Variants in PLEKHB2 observed in about 807,000 individuals in gnomAD.
PLEKHB2 encodes pleckstrin homology domain-containing family B member 2.
PLEKHB2 carries 31 observed loss-of-function variants against 36.5 expected under a neutral mutation model. The ratio of observed to expected loss-of-function variants is 0.85; its 90% CI spans 0.64 to 1.15. PLEKHB2 has a LOEUF of 1.15. Among genes scored for constraint, PLEKHB2 ranks in the 50% most tolerant of loss-of-function variants. PLEKHB2 has a pLI of 0.00. For missense variants in PLEKHB2, 262 were observed against 295.3 expected, an observed-to-expected ratio of 0.89 and a Z score of 0.83; for synonymous variants, 119 against 112.0, an observed-to-expected ratio of 1.06 and a Z score of -0.39.
chr2:131,144,586 C>A, intron 7 of PLEKHB2: 1 of 379,580 alleles, frequency 2.6e-6, no homozygotes, highest in East Asian at 3.8e-5. Flanking sequence ...CCTGTAGTAT[C>A]TTAGTTGCCA....
chr2:131,139,843 G>A (rs1698605934), intron 6 of PLEKHB2, among the ~76,000 whole-genome samples: 2 of 152,140 alleles, frequency 1.3e-5, no homozygotes. Context: ...TTACAGATGG[G>A]CAAAGGAAGG....
chr2:131,133,585 G>A (rs905507850), intron 6 of PLEKHB2, among the ~76,000 whole-genome samples: 3 of 152,190 alleles, frequency 2.0e-5, no homozygotes, highest in Non-Finnish European at 2.9e-5. Context: ...TGGAATTGGT[G>A]TGGTATTTAA....
intron 7 of PLEKHB2, among the ~76,000 whole-genome samples, chr2:131,145,982 A>T (rs1573645262): frequency 1.3e-5 from 2 of 151,984 alleles, no homozygotes; most frequent in African/African-American, 4.8e-5. Context: ...GGAGATCGAG[A>T]CCATCCTGGC....
At chr2:131,142,878 C>G (rs1481676297) in intron 7 of PLEKHB2, among the ~76,000 whole-genome samples, 1 of 151,728 alleles carries the variant, frequency 6.6e-6, no homozygotes, top group East Asian at 1.9e-4. Context: ...CTTTTTTTCT[C>G]CCCCCCAACT....
At chr2:131,112,384 T>C (rs1573525352) in intron 1 of PLEKHB2, among the ~76,000 whole-genome samples, 1 of 152,176 alleles carries the variant, frequency 6.6e-6, no homozygotes, top group African/African-American at 2.4e-5. Context: ...AACTGGTAAA[T>C]ATAAGTCATT....
intron 3 of PLEKHB2, among the ~76,000 whole-genome samples, chr2:131,126,210 G>T (rs1307835436): frequency 6.6e-6 from 1 of 152,126 alleles, no homozygotes; most frequent in Non-Finnish European, 1.5e-5. Flanking sequence ...TCTGTTTGAT[G>T]GTGACTCCAG....
intron 6 of PLEKHB2, among the ~76,000 whole-genome samples, chr2:131,135,111 G>A (rs1698104339): frequency 1.3e-5 from 2 of 151,688 alleles, no homozygotes; most frequent in African/African-American, 4.8e-5. Context: ...CTCTCTTATT[G>A]CCCAGGCTGG....
rs560441014 is a variant in PLEKHB2, at chr2:131,146,905, T to C, written c.*132T>C. 7 of 739,120 alleles carry C rather than the reference T, an allele frequency of 9.5e-6. No individual in the cohort carries two copies. In the African/African-American group the frequency reaches 1.1e-4, roughly 11 times the overall value. 45.8% of individuals were successfully genotyped at this position (739,120 alleles called of 1,614,324 possible). A position where few individuals can be genotyped will look rare whatever the true frequency, so the allele number is the denominator to read the frequency against. ...CATTCCTTTGAAAGTAGTGATGTCATAATTGTACTAATCCACATAAGTACC... is the reference window on the plus strand; with the variant it reads ...CATTCCTTTGAAAGTAGTGATGTCACAATTGTACTAATCCACATAAGTACC... On this transcript the variant is annotated 3_prime_UTR_variant, in exon 8 of 8. Transcript: ENST00000693505.
intron 1 of PLEKHB2, among the ~76,000 whole-genome samples, chr2:131,117,645 A>G (rs1696026721): frequency 6.6e-6 from 1 of 152,118 alleles, no homozygotes; most frequent in Admixed American, 6.6e-5. Context: ...GGGAATTCAC[A>G]TTATGGATGC....
intron 1 of PLEKHB2, 38 bp from the exon 2 acceptor site, chr2:131,120,896 T>C (rs1315441533): frequency 6.2e-7 from 1 of 1,603,358 alleles, no homozygotes. Flanking sequence ...ATTCTCTTTC[T>C]GGGTATGATT....
intron 6 of PLEKHB2, among the ~76,000 whole-genome samples, chr2:131,139,768 C>G (rs1698600717): frequency 6.6e-6 from 1 of 152,156 alleles, no homozygotes; most frequent in South Asian, 2.1e-4. Flanking sequence ...CGCTTCTAGG[C>G]TGGCTTTGCC....
Position 131,147,781 on chromosome 2 carries a change from G to A in PLEKHB2, c.*1008G>A, listed in dbSNP as rs1482494617. ...CCACTGCACTTCAGCCTGGGTGACA[G>A]AGTGAGACTCTGTCTCAAAAAAAAA... On this transcript the variant is annotated 3_prime_UTR_variant, in exon 8 of 8. Transcript: ENST00000693505. The A allele has an allele frequency of 3.4e-5, 5 of 147,392 alleles. No homozygotes were observed. Among genetic ancestry groups the A allele is most frequent in the Non-Finnish European group, 7.4e-5 (5 of 67,762 alleles). The allele number at this position is 147,392 out of a possible 1,614,324, so 9.1% of individuals were successfully genotyped here.
intron 1 of PLEKHB2, among the ~76,000 whole-genome samples, chr2:131,115,058 A>G (rs1405322013): frequency 6.6e-6 from 1 of 152,190 alleles, no homozygotes; most frequent in Admixed American, 6.5e-5. Flanking sequence ...GTTGACTCAC[A>G]GTTCCACATG....
Position 131,126,739 on chromosome 2 carries a change from A to G in PLEKHB2, c.246A>G (p.Arg82=). Residue 82 remains arginine, a synonymous_variant, in exon 4 of 8, where the codon CGA becomes CGG. Transcript: ENST00000693505. The stretch of plus-strand genomic sequence containing the variant: ...ACTGCATGCTCCAGATTGTTTGTCG[A>G]GATGGGAAAACAATTAGTCTTTGTG... ...SKDCMLQIVC[R]DGKTISLCAE... The G allele has an allele frequency of 6.2e-7, 1 of 1,611,856 alleles. No individual in the cohort carries two copies. Among genetic ancestry groups the G allele is most frequent in the South Asian group, 1.1e-5 (1 of 91,022 alleles).
chr2:131,131,755 C>T (rs1033197653), intron 5 of PLEKHB2, among the ~76,000 whole-genome samples: 14 of 143,734 alleles, frequency 9.7e-5, no homozygotes, highest in Admixed American at 4.7e-4. Flanking sequence ...CATGAAAATC[C>T]CCCTTTTTTT....
chr2:131,134,458 G>A (rs773890863), intron 6 of PLEKHB2, among the ~76,000 whole-genome samples: 2 of 152,272 alleles, frequency 1.3e-5, no homozygotes, highest in South Asian at 4.2e-4. Flanking sequence ...AAGTTTTATA[G>A]TGAGGTTTTA....
intron 7 of PLEKHB2, among the ~76,000 whole-genome samples, chr2:131,143,502 G>A (rs1318528448): frequency 6.6e-6 from 1 of 152,126 alleles, no homozygotes; most frequent in Non-Finnish European, 1.5e-5. Context: ...CATTTCATCT[G>A]TTAATATTAC....
intron 2 of PLEKHB2, among the ~76,000 whole-genome samples, chr2:131,125,295 C>G (rs1327246109): frequency 6.6e-6 from 1 of 152,172 alleles, no homozygotes; most frequent in African/African-American, 2.4e-5. Context: ...AATAGAAACC[C>G]TAACCGGAAA....
At position 131,135,420 on chromosome 2, in the gene PLEKHB2, C is replaced by G. The variant is rs72982497; in HGVS notation, c.423+2429C>G. ...ACTCTATTTCCTTTTTCTGTAGATTCTTTGGGATATACTACATAGGCAATC... is the reference window on the plus strand; with the variant it reads ...ACTCTATTTCCTTTTTCTGTAGATTGTTTGGGATATACTACATAGGCAATC... On this transcript the variant is annotated intron_variant, in intron 6 of 7. Coordinates refer to ENST00000693505, the MANE Select transcript of PLEKHB2 (RefSeq NM_001100623.2). Among the ~76,000 whole-genome samples the G allele has an allele frequency of 5.8e-3, 877 of 152,250 alleles. 9 individuals are homozygous for G. Among genetic ancestry groups the G allele is most frequent in the African/African-American group, 0.019 (800 of 41,542 alleles).
Sources: allele counts gnomAD v4.1 joint callset (sites outside exome capture counted in the v4.1 genomes callset), GRCh38; gene constraint gnomAD v4.1.1; transcripts MANE v1.5; gene names NCBI Gene and HGNC (gene_info 2026-07-23, HGNC 2026-07-21).